Variants in RBFOX1 observed in about 807,000 individuals in gnomAD.
RBFOX1 encodes the protein RNA binding protein fox-1 homolog 1.
In RBFOX1, 8 loss-of-function variants were observed where a neutral mutation model predicts 57.7. The ratio of observed to expected loss-of-function variants is 0.14; its 90% CI spans 0.08 to 0.25. RBFOX1 has a LOEUF of 0.25. Ranked by LOEUF, RBFOX1 falls within the 10% of genes least tolerant of loss-of-function variation. The pLI, the probability that RBFOX1 is intolerant of heterozygous loss-of-function variation, is 1.00. For synonymous variants in RBFOX1, 326 were observed against 222.4 expected (o/e 1.47, Z -4.15); for missense variants, 611 against 548.5 (o/e 1.11, Z -1.14).
chr16:6,795,757 C>G (rs189746608), intron 3 of RBFOX1, among the ~76,000 whole-genome samples: 1 of 147,440 alleles, frequency 6.8e-6, no homozygotes, highest in Non-Finnish European at 1.5e-5. Flanking sequence ...CAGAGTGAAA[C>G]TCCATCTAAA....
At chr16:6,941,774 G>T (rs571055081) in intron 3 of RBFOX1, among the ~76,000 whole-genome samples, 1 of 152,144 alleles carries the variant, frequency 6.6e-6, no homozygotes, top group Non-Finnish European at 1.5e-5. Flanking sequence ...GTAGAAGGCA[G>T]GTGAACTCAT....
At chr16:5,427,755 C>T (rs551549323) in intron 1 of RBFOX1, among the ~76,000 whole-genome samples, 1 of 152,250 alleles carries the variant, frequency 6.6e-6, no homozygotes, top group East Asian at 1.9e-4. Flanking sequence ...TTTGCTCATG[C>T]CTTCACCTGA....
chr16:7,365,482 A>AT (rs928101544), intron 4 of RBFOX1, among the ~76,000 whole-genome samples: 36 of 152,198 alleles, frequency 2.4e-4, no homozygotes, highest in African/African-American at 5.8e-4. Flanking sequence ...AGAAGGAGTG[A>AT]TTTTTTTCCC....
At chr16:6,749,762 G>T (rs968031075) in intron 3 of RBFOX1, among the ~76,000 whole-genome samples, 1 of 152,178 alleles carries the variant, frequency 6.6e-6, no homozygotes, top group Non-Finnish European at 1.5e-5. Flanking sequence ...AAGTTTTTCA[G>T]TGTTAACAGA....
At chr16:7,668,520 G>A (rs1447971922) in intron 13 of RBFOX1, among the ~76,000 whole-genome samples, 1 of 152,118 alleles carries the variant, frequency 6.6e-6, no homozygotes, top group Non-Finnish European at 1.5e-5. Context: ...AGCCCTGCAG[G>A]AAACCCACTG....
intron 3 of RBFOX1, among the ~76,000 whole-genome samples, chr16:6,867,478 G>T (rs566832846): frequency 1.3e-3 from 203 of 152,158 alleles, no homozygotes; most frequent in Admixed American, 4.0e-3. Context: ...CAGCACTTTG[G>T]GGGGCCGAGA....
intron 4 of RBFOX1, among the ~76,000 whole-genome samples, chr16:7,339,670 C>G (rs1242358049): frequency 6.6e-6 from 1 of 152,152 alleles, no homozygotes; most frequent in South Asian, 2.1e-4. Flanking sequence ...GAACTCCTGA[C>G]CTCAGGTGAT....
chr16:5,611,085 C>G (rs1227114862), intron 3 of RBFOX1: 1 of 152,142 alleles, frequency 6.6e-6, no homozygotes, highest in African/African-American at 2.4e-5. Context: ...CATCCACATC[C>G]TTAGGTGTGG....
intron 2 of RBFOX1, among the ~76,000 whole-genome samples, chr16:6,623,533 T>A (rs937940940): frequency 5.9e-5 from 9 of 152,030 alleles, no homozygotes; most frequent in Non-Finnish European, 1.3e-4. Context: ...CATGTTGGTG[T>A]GCTGCACTCA....
chr16:5,594,867 C>A (rs950160905), intron 2 of RBFOX1, among the ~76,000 whole-genome samples: 4 of 150,150 alleles, frequency 2.7e-5, no homozygotes, highest in Non-Finnish European at 5.9e-5. Context: ...TGTGGTGGCT[C>A]ATGTCTATAA....
chr16:6,725,404 G>C (rs978102326), intron 3 of RBFOX1, among the ~76,000 whole-genome samples: 1 of 152,100 alleles, frequency 6.6e-6, no homozygotes, highest in Non-Finnish European at 1.5e-5. Flanking sequence ...TTTGTGACCT[G>C]TACCTGGTGC....
intron 4 of RBFOX1, among the ~76,000 whole-genome samples, chr16:7,319,515 G>C (rs1179666255): frequency 6.6e-6 from 1 of 152,134 alleles, no homozygotes; most frequent in African/African-American, 2.4e-5. Context: ...TTTGGAGACT[G>C]TACAATCTGT....
At chr16:7,693,916 C>G (rs1044917065) in intron 14 of RBFOX1, among the ~76,000 whole-genome samples, 3 of 152,208 alleles carry the variant, frequency 2.0e-5, no homozygotes, top group Non-Finnish European at 1.5e-5. Context: ...TAAAACATCT[C>G]TCAAGTAGCA....
intron 1 of RBFOX1, among the ~76,000 whole-genome samples, chr16:6,168,313 C>A (rs1003245929): frequency 6.6e-6 from 1 of 152,142 alleles, no homozygotes; most frequent in Non-Finnish European, 1.5e-5. Context: ...GGAGGATTTC[C>A]CATTACAACT....
intron 3 of RBFOX1, among the ~76,000 whole-genome samples, chr16:6,690,730 A>C (rs1324901363): frequency 6.7e-6 from 1 of 148,494 alleles, no homozygotes; most frequent in Non-Finnish European, 1.5e-5. Flanking sequence ...GGATATTTCA[A>C]GTTCGGTTTG....
chr16:5,762,441 A>G (rs1337862757), intron 3 of RBFOX1, among the ~76,000 whole-genome samples: 1 of 151,912 alleles, frequency 6.6e-6, no homozygotes, highest in Non-Finnish European at 1.5e-5. Flanking sequence ...CCAGGCTGGT[A>G]GAAATACAAC....
chr16:5,916,298 C>G (rs978125637), intron 4 of RBFOX1, among the ~76,000 whole-genome samples: 4 of 152,162 alleles, frequency 2.6e-5, no homozygotes, highest in Admixed American at 2.6e-4. Flanking sequence ...TAATTCCCCC[C>G]TCCTTTGTTG....
At chr16:5,906,474 C>T (rs1370686372) in intron 4 of RBFOX1, among the ~76,000 whole-genome samples, 1 of 152,170 alleles carries the variant, frequency 6.6e-6, no homozygotes, top group African/African-American at 2.4e-5. Context: ...AGGAACCAAA[C>T]CTGCCAACGC....
chr16:5,738,905 G>C (rs1427623154), intron 3 of RBFOX1, among the ~76,000 whole-genome samples: 1 of 152,174 alleles, frequency 6.6e-6, no homozygotes, highest in Non-Finnish European at 1.5e-5. Context: ...AACCAGGGAA[G>C]ATGGATGAAC....
Sources: gnomAD v4.1 joint callset for allele counts (sites outside exome capture counted in the v4.1 genomes callset) on GRCh38, gnomAD v4.1.1 for gene constraint, MANE v1.5 for transcripts, NCBI Gene and HGNC (gene_info 2026-07-23, HGNC 2026-07-21) for gene names.